REV1: variants seen among roughly 807,000 people sequenced by gnomAD.
The protein encoded by REV1 is translesion synthesis protein REV1.
A neutral mutation model predicts 137.4 loss-of-function variants in REV1; 42 were observed. The ratio of observed to expected loss-of-function variants is 0.31; its 90% CI spans 0.24 to 0.40. REV1 has a LOEUF of 0.40. Ranked by LOEUF, REV1 falls within the 10% of genes least tolerant of loss-of-function variation. The pLI is 1.00. For synonymous variants in REV1, 524 were observed against 519.2 expected, an observed-to-expected ratio of 1.01 and a Z score of -0.12; for missense variants, 1,282 against 1,490.1, an observed-to-expected ratio of 0.86 and a Z score of 2.30.
At chr2:99,413,017 T>C in intron 12 of REV1, 66 bp from the exon 13 acceptor site, 1 of 1,105,320 alleles carries the variant, frequency 9.0e-7, no homozygotes, top group South Asian at 1.3e-5. Context: ...TAACACAAAA[T>C]ACCCACCATT....
chr2:99,465,936 TTTTA>T (rs553341981), intron 1 of REV1, among the ~76,000 whole-genome samples: 129 of 152,218 alleles, frequency 8.5e-4, no homozygotes, highest in African/African-American at 2.6e-3. Flanking sequence ...CTTTCTTTCT[TTTTA>T]TTTATTTATT....
chr2:99,431,566 C>G lies in REV1; in HGVS notation c.1439-1618G>C, dbSNP rs1032687360. 5.3e-5 allele frequency among the ~76,000 whole-genome samples: 8 copies of G among 152,278 alleles called. No individual in the cohort carries two copies. In the South Asian group the frequency reaches 1.7e-3, roughly 32 times the overall value. On this transcript the variant is annotated intron_variant, in intron 8 of 22. Coordinates refer to ENST00000258428, the MANE Select transcript of REV1 (RefSeq NM_016316.4). ...AGGTGTAACCATGAGTTATGCCTTA[C>G]AAGTTGGAGAATTACCTGACTTTGG... is the stretch of plus-strand genomic sequence containing the variant.
chr2:99,462,639 G>A lies in REV1; in HGVS notation c.55-17C>T, dbSNP rs759402086. 3 of 1,583,862 alleles carry A rather than the reference G, an allele frequency of 1.9e-6. No individual in the cohort carries two copies. The highest frequency in any genetic ancestry group is 1.2e-5 in the South Asian group (1 of 84,430). ...ATACCCACCCTAGAATTAAAGAAAA[G>A]GTAAACCAATCACAAAGGTTACATT... On this transcript the variant is annotated splice_polypyrimidine_tract_variant and intron_variant, in intron 2 of 22. Transcript: ENST00000258428.
At chr2:99,403,855 T>C (rs755601057) in intron 18 of REV1, 40 bp from the exon 19 acceptor site, 61 of 1,607,206 alleles carry the variant, frequency 3.8e-5, no homozygotes, top group East Asian at 3.4e-4. Context: ...CCTGAGCTAA[T>C]TGTAGATGGT....
chr2:99,411,022 C>G (rs866273664), intron 13 of REV1, among the ~76,000 whole-genome samples, 155 bp from the exon 14 acceptor site: 9 of 152,320 alleles, frequency 5.9e-5, no homozygotes, highest in South Asian at 4.1e-4. Flanking sequence ...CGCGGTGGCT[C>G]ACACCTGTAA....
At chr2:99,443,618 C>G (rs570239041) in intron 4 of REV1, among the ~76,000 whole-genome samples, 1 of 152,066 alleles carries the variant, frequency 6.6e-6, no homozygotes, top group African/African-American at 2.4e-5. Flanking sequence ...ACCTAAAGTA[C>G]CTTAACCTAT....
At position 99,421,574 on chromosome 2, in the gene REV1, T is replaced by G; in HGVS notation, c.1756A>C (p.Thr586Pro). 6.2e-7 allele frequency: 1 copy of G among 1,614,010 alleles called. No homozygotes were observed. Among genetic ancestry groups the G allele is most frequent in the Non-Finnish European group, 8.5e-7 (1 of 1,179,986 alleles). ...ITEILAETKLTPDEFANAVRM... is the reference protein window; with the variant it reads ...ITEILAETKLPPDEFANAVRM... ...ACAGCATTTGCAAATTCATCAGGAG[T>G]AAGTTTGGTCTCTGCAAGGATTTCG... The change falls in exon 11 of 23, where the codon ACT becomes CCT. Residue 586 changes from threonine to proline, a missense_variant. Transcript: ENST00000258428.
At chr2:99,420,239 C>T (rs776572865) in intron 11 of REV1, among the ~76,000 whole-genome samples, 2 of 152,142 alleles carry the variant, frequency 1.3e-5, no homozygotes, top group African/African-American at 4.8e-5. Flanking sequence ...TTCTGTATCT[C>T]GCAGTGTTTT....
chr2:99,442,854 A>G (rs1681690843), intron 4 of REV1, among the ~76,000 whole-genome samples: 1 of 152,212 alleles, frequency 6.6e-6, no homozygotes, highest in Non-Finnish European at 1.5e-5. Flanking sequence ...AGGACAAAAT[A>G]AAGAATCTCA....
At chr2:99,438,075 T>G (rs574738186) in intron 6 of REV1, among the ~76,000 whole-genome samples, 2 of 152,348 alleles carry the variant, frequency 1.3e-5, no homozygotes, top group Non-Finnish European at 2.9e-5. Flanking sequence ...CTACTGTGTG[T>G]GCATTTGTTT....
At chr2:99,406,186 A>C (rs1340654078) in intron 16 of REV1, 80 bp from the exon 17 acceptor site, 9 of 1,395,938 alleles carry the variant, frequency 6.4e-6, no homozygotes, top group East Asian at 2.4e-5. Flanking sequence ...ACAAATAAAA[A>C]AACTTTATTA....
rs767213843 is a variant in REV1 at position 99,449,455 on chromosome 2, T to C, written c.231A>G (p.Gln77=). The change falls in exon 4 of 23, where the codon CAA becomes CAG. Residue 77 remains glutamine (Q), a synonymous_variant. Coordinates refer to ENST00000258428, the MANE Select transcript of REV1 (RefSeq NM_016316.4). ...LRKLMMLHGG[Q]YHVYYSRSKT... is the part of the protein sequence containing the mutation. ...TAGATCTGGAATAATATACATGGTATTGACCTCCATGCAACATCATTAGTT... is the reference window on the plus strand; with the variant it reads ...TAGATCTGGAATAATATACATGGTACTGACCTCCATGCAACATCATTAGTT... 8.4e-6 allele frequency: 13 copies of C among 1,544,740 alleles called. No homozygotes were observed. The highest frequency in any genetic ancestry group is 4.2e-5 in the African/African-American group (3 of 71,572).
chr2:99,419,227 T>TGGG (rs1224346643), intron 11 of REV1, among the ~76,000 whole-genome samples: 13 of 141,122 alleles, frequency 9.2e-5, no homozygotes, highest in East Asian at 2.0e-4. Flanking sequence ...TTTTTTTTTT[T>TGGG]GGGGGATGGA....
intron 3 of REV1, among the ~76,000 whole-genome samples, chr2:99,459,056 A>G: frequency 6.6e-6 from 1 of 152,058 alleles, no homozygotes; most frequent in East Asian, 1.9e-4. Context: ...AAAATACAAA[A>G]AATTAGCCAG....
At chr2:99,412,704 T>C (rs1327590796) in intron 13 of REV1, 27 bp downstream of exon 13, 9 of 1,558,800 alleles carry the variant, frequency 5.8e-6, no homozygotes, top group Non-Finnish European at 7.1e-6. Context: ...GAGCAACAGA[T>C]GGCAAAATCT....
At chr2:99,485,766 A>G (rs2104314781) in intron 1 of REV1, among the ~76,000 whole-genome samples, 1 of 152,372 alleles carries the variant, frequency 6.6e-6, no homozygotes, top group South Asian at 2.1e-4. Flanking sequence ...TATTTTTTAA[A>G]GGCGTTCCAT....
intron 8 of REV1, among the ~76,000 whole-genome samples, chr2:99,430,836 G>C (rs1575076743): frequency 6.6e-6 from 1 of 152,008 alleles, no homozygotes; most frequent in African/African-American, 2.4e-5. Flanking sequence ...CTACTATTAG[G>C]TTCCAGGAAG....
At chr2:99,463,044 C>T (rs889923875) in intron 2 of REV1, among the ~76,000 whole-genome samples, 4 of 151,012 alleles carry the variant, frequency 2.6e-5, no homozygotes, top group African/African-American at 9.7e-5. Flanking sequence ...GGTGAGATGG[C>T]GCCACTGCAC....
At chr2:99,471,379 A>G (rs962696571) in intron 1 of REV1, among the ~76,000 whole-genome samples, 6 of 152,198 alleles carry the variant, frequency 3.9e-5, no homozygotes, top group Admixed American at 1.3e-4. Context: ...GGAAAACTGG[A>G]TATCACATGC....
Sources: gnomAD v4.1 joint callset for allele counts (sites outside exome capture counted in the v4.1 genomes callset) on GRCh38, gnomAD v4.1.1 for gene constraint, MANE v1.5 for transcripts, NCBI Gene and HGNC (gene_info 2026-07-23, HGNC 2026-07-21) for gene names.